The following SLC24A3 variants were observed in gnomAD, a reference collection of about 807,000 sequenced individuals.
The protein encoded by SLC24A3 is sodium/potassium/calcium exchanger 3.
In SLC24A3, 28 loss-of-function variants were observed where a neutral mutation model predicts 75.8. That is an observed-to-expected ratio of 0.37 (90% CI 0.27 to 0.51). SLC24A3 has a LOEUF of 0.51. Among genes scored for constraint, SLC24A3 ranks in the 20% least tolerant of loss-of-function variants. The pLI, the probability that SLC24A3 is intolerant of heterozygous loss-of-function variation, is 0.94. For missense variants in SLC24A3, 663 were observed against 847.8 expected, an observed-to-expected ratio of 0.78 and a Z score of 2.71; for synonymous variants, 372 against 334.1, an observed-to-expected ratio of 1.11 and a Z score of -1.24.
At chr20:19,230,739 C>T (rs183631863) in intron 1 of SLC24A3, among the ~76,000 whole-genome samples, 1 of 152,160 alleles carries the variant, frequency 6.6e-6, no homozygotes, top group East Asian at 1.9e-4. Flanking sequence ...CACCTGGGGA[C>T]CCATGTGCCC....
Position 19,415,166 on chromosome 20 carries a change from G to A in SLC24A3, c.272-100322G>A, listed in dbSNP as rs537405792. Among the ~76,000 whole-genome samples the A allele has an allele frequency of 6.6e-5, 10 of 152,306 alleles. No homozygotes were observed. In the South Asian group the frequency reaches 2.1e-3, roughly 32 times the overall value. On this transcript the variant is annotated intron_variant, in intron 2 of 16. Coordinates refer to ENST00000328041, the MANE Select transcript of SLC24A3 (RefSeq NM_020689.4). ...GTCCAGCAGCAGGGGTCTTTGGGAA[G>A]TGATATAAGGATCCTGGTGGTGTTG... is the stretch of plus-strand genomic sequence containing the variant.
At chr20:19,506,308 T>C (rs1988461610) in intron 2 of SLC24A3, among the ~76,000 whole-genome samples, 2 of 152,224 alleles carry the variant, frequency 1.3e-5, no homozygotes, top group African/African-American at 4.8e-5. Context: ...AGGCCATCTG[T>C]TCCCATGACT....
intron 2 of SLC24A3, among the ~76,000 whole-genome samples, chr20:19,411,918 C>A (rs1367343327): frequency 6.6e-6 from 1 of 152,120 alleles, no homozygotes; most frequent in Non-Finnish European, 1.5e-5. Flanking sequence ...GTCGGCATGT[C>A]AGAAATTCAC....
chr20:19,349,475 C>T (rs1268648839), intron 2 of SLC24A3, among the ~76,000 whole-genome samples: 2 of 152,330 alleles, frequency 1.3e-5, no homozygotes, highest in Middle Eastern at 3.4e-3. Context: ...CTTCTCCAAT[C>T]CCTAAGAGGA....
intron 6 of SLC24A3, among the ~76,000 whole-genome samples, chr20:19,639,042 T>A (rs921582373): frequency 1.3e-5 from 2 of 152,172 alleles, no homozygotes; most frequent in Non-Finnish European, 2.9e-5. Context: ...GGCAGCCTGC[T>A]TTTATTCTCT....
intron 2 of SLC24A3, among the ~76,000 whole-genome samples, chr20:19,298,033 A>T (rs1364102276): frequency 6.6e-6 from 1 of 152,248 alleles, no homozygotes; most frequent in Non-Finnish European, 1.5e-5. Flanking sequence ...GAGAGAAGCT[A>T]AGAAGGTGGG....
chr20:19,560,963 G>T (rs1289176999), intron 3 of SLC24A3, among the ~76,000 whole-genome samples: 4 of 152,092 alleles, frequency 2.6e-5, no homozygotes, highest in African/African-American at 7.2e-5. Context: ...TGAGGAGGAG[G>T]GTTGTCTCAC....
intron 7 of SLC24A3, 146 bp downstream of exon 7, chr20:19,654,282 T>C (rs922993015): frequency 1.7e-5 from 12 of 710,382 alleles, no homozygotes; most frequent in Non-Finnish European, 2.9e-5. Context: ...TTTATTTCTT[T>C]CAGCTACTTT....
Position 19,580,208 on chromosome 20 carries a change from C to T in SLC24A3, c.423+134C>T, listed in dbSNP as rs878926057. The T allele has an allele frequency of 9.1e-5, 61 of 668,148 alleles. 1 individual carries two copies. The South Asian group carries it at 9.2e-4, about 10-fold the overall frequency. The allele number at this position is 668,148 out of a possible 1,614,324, so 41.4% of individuals were successfully genotyped here. On this transcript the variant is annotated intron_variant, in intron 4 of 16. Transcript: ENST00000328041. ...CTGCAGCGGGAACACCAGGCATCAC[C>T]ATGTTTGAGAGCAATGGGCAATATT...
intron 2 of SLC24A3, among the ~76,000 whole-genome samples, chr20:19,474,249 G>T (rs534579397): frequency 1.3e-5 from 2 of 152,294 alleles, no homozygotes; most frequent in African/African-American, 4.8e-5. Context: ...ATGACTTCAG[G>T]TGATCAAGAA....
At chr20:19,341,016 C>T (rs910670435) in intron 2 of SLC24A3, among the ~76,000 whole-genome samples, 3 of 152,180 alleles carry the variant, frequency 2.0e-5, no homozygotes, top group Admixed American at 6.5e-5. Flanking sequence ...GATTTGCTTG[C>T]ATGTAAGCTC....
At chr20:19,489,308 A>G (rs1414054505) in intron 2 of SLC24A3, among the ~76,000 whole-genome samples, 5 of 152,182 alleles carry the variant, frequency 3.3e-5, no homozygotes, top group Non-Finnish European at 7.3e-5. Flanking sequence ...GTGGGTTTTC[A>G]TGTCTTAGAA....
At chr20:19,488,935 A>AT (rs1379291993) in intron 2 of SLC24A3, among the ~76,000 whole-genome samples, 2 of 152,204 alleles carry the variant, frequency 1.3e-5, no homozygotes, top group Admixed American at 6.5e-5. Flanking sequence ...CCAAAGTCAG[A>AT]TTTTGGAGCA....
chr20:19,329,592 T>C (rs560683469), intron 2 of SLC24A3, among the ~76,000 whole-genome samples: 1 of 152,386 alleles, frequency 6.6e-6, no homozygotes, highest in East Asian at 1.9e-4. Context: ...ATCATGAAGC[T>C]ATGAAGGCTA....
chr20:19,543,924 C>T (rs1216196637), intron 3 of SLC24A3, among the ~76,000 whole-genome samples: 1 of 152,206 alleles, frequency 6.6e-6, no homozygotes, highest in Non-Finnish European at 1.5e-5. Context: ...TCCTTTGGAA[C>T]AGAATCCTGA....
At chr20:19,295,826 G>C (rs902315330) in intron 2 of SLC24A3, among the ~76,000 whole-genome samples, 10 of 151,406 alleles carry the variant, frequency 6.6e-5, no homozygotes, top group African/African-American at 2.2e-4. Flanking sequence ...TTTTGTTGTT[G>C]TTGTATCTCT....
chr20:19,654,646 T>C (rs540101359), intron 7 of SLC24A3, among the ~76,000 whole-genome samples: 2 of 142,768 alleles, frequency 1.4e-5, no homozygotes, highest in South Asian at 2.4e-4. Context: ...GAATCCTTTT[T>C]TTTTTTTTTT....
At chr20:19,505,531 T>C (rs2122546865) in intron 2 of SLC24A3, among the ~76,000 whole-genome samples, 1 of 152,282 alleles carries the variant, frequency 6.6e-6, no homozygotes, top group East Asian at 1.9e-4. Context: ...TCTGAGATGA[T>C]CCCAAATATG....
At chr20:19,681,283 C>T (rs570750356) in intron 9 of SLC24A3, among the ~76,000 whole-genome samples, 3 of 152,118 alleles carry the variant, frequency 2.0e-5, no homozygotes, top group South Asian at 2.1e-4. Flanking sequence ...AACTTAGGCA[C>T]GATAGTCATA....
Sources: allele counts gnomAD v4.1 joint callset (sites outside exome capture counted in the v4.1 genomes callset), GRCh38; gene constraint gnomAD v4.1.1; transcripts MANE v1.5; gene names NCBI Gene and HGNC (gene_info 2026-07-23, HGNC 2026-07-21).